The following CLN3 variants were observed in gnomAD, a reference collection of about 807,000 sequenced individuals.
CLN3 encodes the protein CLN3 lysosomal/endosomal transmembrane protein, battenin.
In CLN3, 49 loss-of-function variants were observed where a neutral mutation model predicts 60.7. The ratio of observed to expected loss-of-function variants is 0.81; its 90% confidence interval spans 0.64 to 1.02. The LOEUF (loss-of-function observed/expected upper bound fraction) is 1.02, where lower values mean the gene tolerates loss of function less well. Ranked by LOEUF, CLN3 falls within the 50% of genes least tolerant of loss-of-function variation. The pLI, the probability that CLN3 is intolerant of heterozygous loss-of-function variation, is 0.00. For synonymous variants in CLN3, 256 were observed against 245.8 expected (o/e 1.04, Z -0.39); for missense variants, 516 against 557.4 (o/e 0.93, Z 0.75).
chr16:28,490,901 C>T (rs1358255336), intron 3 of CLN3: 1 of 152,180 alleles, frequency 6.6e-6, no homozygotes, highest in Non-Finnish European at 1.5e-5. Context: ...AGACCCCCAT[C>T]TCTATAAAAA....
rs751235567 is a variant in CLN3, at chr16:28,477,438, C to G, written c.*78G>C. ...GCTGGGAGCACAGTTCATGGAGGGT[C>G]TCTGGGGTGGGCCTGGGTGTCTGAC... On this transcript the variant is annotated 3_prime_UTR_variant, in exon 16 of 16. Coordinates refer to ENST00000636147, the MANE Select transcript of CLN3 (RefSeq NM_001042432.2). The G allele has an allele frequency of 6.3e-7, 1 of 1,594,440 alleles. No homozygotes were observed. Among genetic ancestry groups the G allele is most frequent in the Non-Finnish European group, 8.6e-7 (1 of 1,166,994 alleles).
chr16:28,481,422 A>G (rs950249814), intron 14 of CLN3, among the ~76,000 whole-genome samples: 58 of 111,016 alleles, frequency 5.2e-4, no homozygotes, highest in African/African-American at 2.1e-3. Context: ...CTTAAAACAC[A>G]CACACACACA....
At chr16:28,491,442 C>T (rs753183342) in intron 3 of CLN3, 40 bp downstream of exon 3, 2 of 1,609,254 alleles carry the variant, frequency 1.2e-6, no homozygotes, top group East Asian at 2.2e-5. Context: ...CTTCCCTCTT[C>T]TCATGCCATT....
Position 28,487,746 on chromosome 16 carries a change from G to A in CLN3, c.295-5C>T. 1 of 1,611,848 alleles carries A rather than the reference G, an allele frequency of 6.2e-7. No homozygotes were observed. The highest frequency in any genetic ancestry group is 1.1e-5 in the South Asian group (1 of 90,862). On this transcript the variant is annotated splice_polypyrimidine_tract_variant and splice_region_variant and intron_variant, in intron 5 of 15. Coordinates refer to ENST00000636147, the MANE Select transcript of CLN3 (RefSeq NM_001042432.2). ...GATGTCCGCCAGGAGCACAGCCTGG[G>A]ACAGGAGAATAGAGTGAGACCGCAG...
chr16:28,491,872 G>GAGCTGGGACCGGCAA, intron 1 of CLN3, 37 bp from the exon 2 acceptor site: 1 of 1,382,902 alleles, frequency 7.2e-7, no homozygotes, highest in Non-Finnish European at 1.0e-6. Flanking sequence ...CCGATTGCCG[G>GAGCTGGGACCGGCAA]TCCCAGCTCC....
downstream of CLN3, among the ~76,000 whole-genome samples, chr16:28,473,719 C>A (rs1018209829): frequency 1.3e-5 from 2 of 152,128 alleles, no homozygotes; most frequent in African/African-American, 4.8e-5. Flanking sequence ...ATGAAGAAAT[C>A]TTACAACTCA....
Position 28,486,611 on chromosome 16 carries a change from A to T in CLN3, c.500T>A (p.Val167Asp), listed in dbSNP as rs1418465028. The change falls in exon 8 of 16, where the codon GTC becomes GAC. Residue 167 changes from valine (V) to aspartate (D), a missense_variant. Transcript: ENST00000636147. ...GAAGGCAGTGAGGGAGAGGAAGGTG[A>T]CCTCCCCAAGGCCTGATGAGATGCT... is the stretch of plus-strand genomic sequence containing the variant. ...FASISSGLGEVTFLSLTAFYP... is the reference protein window; with the variant it reads ...FASISSGLGEDTFLSLTAFYP... 1.2e-6 allele frequency: 2 copies of T among 1,611,072 alleles called. No individual in the cohort carries two copies. The highest frequency in any genetic ancestry group is 1.7e-5 in the Admixed American group (1 of 59,610).
chr16:28,482,595 C>T (rs369958843), intron 11 of CLN3, 31 bp downstream of exon 11: 1 of 1,614,042 alleles, frequency 6.2e-7, no homozygotes, highest in African/African-American at 1.3e-5. Flanking sequence ...GAGCAAGCCC[C>T]ACAGGGACAT....
intron 14 of CLN3, among the ~76,000 whole-genome samples, chr16:28,481,454 GCACACACACACACACACACAC>G (rs2046093349): frequency 7.7e-6 from 1 of 129,120 alleles, no homozygotes; most frequent in African/African-American, 2.9e-5. Context: ...ACACACACAC[GCACACACACACACACACACAC>G]TACAAAATCT....
chr16:28,488,919 T>C (rs1357566771), intron 4 of CLN3, among the ~76,000 whole-genome samples: 2 of 152,230 alleles, frequency 1.3e-5, no homozygotes, highest in Non-Finnish European at 2.9e-5. Flanking sequence ...TTCTTTTTTT[T>C]GAGATGGTGT....
intron 14 of CLN3, among the ~76,000 whole-genome samples, chr16:28,478,495 A>G (rs1168454682): frequency 1.3e-5 from 2 of 151,672 alleles, no homozygotes; most frequent in Non-Finnish European, 2.9e-5. Context: ...ACGCACCTGC[A>G]GTCCCAGCTA....
downstream of CLN3, among the ~76,000 whole-genome samples, chr16:28,470,858 C>G (rs879596536): frequency 1.6e-5 from 2 of 121,414 alleles, no homozygotes; most frequent in Non-Finnish European, 3.5e-5. Context: ...GGCTTAGGAG[C>G]AATTAGAGGG....
intron 9 of CLN3, chr16:28,484,582 TC>T (rs1332149162): frequency 4.8e-6 from 1 of 209,422 alleles, no homozygotes; most frequent in African/African-American, 2.3e-5. Context: ...ATTTCTAGCC[TC>T]TAGTGGTCCT....
Position 28,487,649 on chromosome 16 carries a change from C to G in CLN3, c.374+13G>C. ...CTCCTGCCCACCCTGCCTCCCACTACCCTCACCCAGACCTGTAGGGCAGCA... is the reference window on the plus strand; with the variant it reads ...CTCCTGCCCACCCTGCCTCCCACTAGCCTCACCCAGACCTGTAGGGCAGCA... On this transcript the variant is annotated intron_variant, in intron 6 of 15. Transcript: ENST00000636147. 1 of 1,612,004 alleles carries G rather than the reference C, an allele frequency of 6.2e-7. No individual in the cohort carries two copies. The highest frequency in any genetic ancestry group is 8.5e-7 in the Non-Finnish European group (1 of 1,178,412).
chr16:28,476,207 A>AATATGT (rs2141691556), downstream of CLN3: 1 of 152,098 alleles, frequency 6.6e-6, no homozygotes, highest in African/African-American at 2.4e-5. Flanking sequence ...TTACTGTAAA[A>AATATGT]ATATGTAACA....
At chr16:28,488,727 C>T (rs1186926283) in intron 4 of CLN3, 65 bp from the exon 5 acceptor site, 1 of 1,500,794 alleles carries the variant, frequency 6.7e-7, no homozygotes, top group Non-Finnish European at 9.3e-7. Flanking sequence ...AGCCTGGCTC[C>T]CGTCCCAGCT....
intron 9 of CLN3, among the ~76,000 whole-genome samples, chr16:28,485,189 C>T (rs1309260636): frequency 4.0e-5 from 6 of 151,322 alleles, no homozygotes; most frequent in African/African-American, 1.5e-4. Flanking sequence ...GTGGTGCGCC[C>T]GCCTCGGCCT....
At chr16:28,491,882 C>T (rs2046321028) in intron 1 of CLN3, 47 bp from the exon 2 acceptor site, 4 of 1,320,174 alleles carry the variant, frequency 3.0e-6, no homozygotes, top group South Asian at 1.2e-5. Flanking sequence ...GTCCCAGCTC[C>T]GGCTTGTCTA....
At chr16:28,473,254 C>G (rs1164509067), downstream of CLN3, among the ~76,000 whole-genome samples, 1 of 152,068 alleles carries the variant, frequency 6.6e-6, no homozygotes, top group African/African-American at 2.4e-5. Context: ...ACAGGCATAC[C>G]TTGCCAGGAT....
Sources: gnomAD v4.1 joint callset for allele counts (sites outside exome capture counted in the v4.1 genomes callset) on GRCh38, gnomAD v4.1.1 for gene constraint, MANE v1.5 for transcripts, NCBI Gene and HGNC (gene_info 2026-07-23, HGNC 2026-07-21) for gene names.